The following TENM2 variants were observed in gnomAD, a reference collection of about 807,000 sequenced individuals.
TENM2 encodes teneurin transmembrane protein 2.
Under a neutral mutation model 245.2 loss-of-function variants are expected in TENM2, and 52 were observed. The observed-to-expected ratio is 0.21, with a 90% CI of 0.17 to 0.27. The LOEUF is 0.27. TENM2 is among the 10% of genes least tolerant of loss of function. The probability of loss-of-function intolerance (pLI) is 1.00; values close to 1 mark genes in which losing one functional copy is unlikely to be tolerated. For missense variants in TENM2, 3,046 were observed against 3,666.8 expected (o/e 0.83, Z 4.37); for synonymous variants, 1,363 against 1,438.9 (o/e 0.95, Z 1.19).
exon 29 of TENM2, chr5:168,262,537 C>T: frequency 6.4e-7 from 1 of 1,556,982 alleles, no homozygotes; most frequent in Non-Finnish European, 8.7e-7. Context: ...ATGGCCTCAC[C>T]CCCGACACCC....
intron 3 of TENM2, among the ~76,000 whole-genome samples, chr5:167,946,529 C>A (rs1234615585): frequency 6.6e-6 from 1 of 152,194 alleles, no homozygotes; most frequent in Non-Finnish European, 1.5e-5. Context: ...CAGTTTCTCA[C>A]AAGATTGGAT....
intron 4 of TENM2, among the ~76,000 whole-genome samples, chr5:167,970,713 T>C (rs1781715090): frequency 6.6e-6 from 1 of 152,112 alleles, no homozygotes. Flanking sequence ...ATCAGAATAG[T>C]TCTGTGTTTA....
rs756283582 is a variant in TENM2 at position 168,218,140 on chromosome 5, C to T, written c.4249C>T (p.Pro1417Ser). The change falls in exon 23 of 29, where the codon CCA (proline) becomes TCA (serine). Residue 1417 changes from proline to serine, a missense_variant. By Grantham distance (74) the Pro-to-Ser change is moderately conservative. Around this residue, in one of 2 missense-constraint regions of TENM2, gnomAD observed 2,704 missense variants for 3,331.9 expected, o/e 0.81. Transcript: ENST00000518659. The surrounding 1 kb of genome is among the most constrained non-coding windows in gnomAD (Gnocchi z 5.2). ...TCATCCACAGGTTCGTCTGGAGTGG[C>T]CAACAGACCTTGCTGTCAATCCCAT... 1 of 1,612,990 alleles carries T rather than the reference C, an allele frequency of 6.2e-7. No homozygotes were observed. Among genetic ancestry groups the T allele is most frequent in the Non-Finnish European group, 8.5e-7 (1 of 1,179,090 alleles).
At position 167,937,300 on chromosome 5, in the gene TENM2, T is replaced by C. The variant is rs1215595641; in HGVS notation, c.713-15288T>C. 3.3e-5 allele frequency among the ~76,000 whole-genome samples: 5 copies of C among 152,350 alleles called. No homozygotes were observed. The South Asian group carries it at 8.3e-4, about 25-fold the overall frequency. On this transcript the variant is annotated intron_variant, in intron 3 of 28. Coordinates refer to ENST00000518659, the Ensembl canonical transcript of TENM2. ...TTGCAGGACATCTGGTTGTTCTCAG[T>C]TTTTAGTGACAAGGAATAAAGCCGC...
intron 2 of TENM2, among the ~76,000 whole-genome samples, chr5:167,439,198 A>G (rs757564212): frequency 2.0e-5 from 3 of 152,198 alleles, no homozygotes; most frequent in East Asian, 1.9e-4. Flanking sequence ...GGCCTACATC[A>G]TATCTTGATG....
chr5:167,070,851 T>G, the TENM2 span, among the ~76,000 whole-genome samples: 1 of 152,294 alleles, frequency 6.6e-6, no homozygotes, highest in South Asian at 2.1e-4. Flanking sequence ...TTTTAAATGT[T>G]TTAAATTTAT....
At chr5:167,123,199 A>G in the TENM2 span, among the ~76,000 whole-genome samples, 1 of 151,714 alleles carries the variant, frequency 6.6e-6, no homozygotes, top group African/African-American at 2.4e-5. Flanking sequence ...AATCCAAGCT[A>G]CTCAGGAGGC....
intron 2 of TENM2, among the ~76,000 whole-genome samples, chr5:167,696,168 G>A (rs1384485711): frequency 6.6e-6 from 1 of 152,130 alleles, no homozygotes; most frequent in Non-Finnish European, 1.5e-5. Context: ...TTGAAGGGTT[G>A]GTATTTGGGA....
intron 2 of TENM2, among the ~76,000 whole-genome samples, chr5:167,804,489 C>T (rs1766008701): frequency 6.6e-6 from 1 of 152,064 alleles, no homozygotes; most frequent in South Asian, 2.1e-4. Flanking sequence ...CAAATTGGAA[C>T]AATAATAGTA....
chr5:167,423,656 G>A (rs765167765), intron 2 of TENM2, among the ~76,000 whole-genome samples: 10 of 152,040 alleles, frequency 6.6e-5, no homozygotes, highest in Non-Finnish European at 4.4e-5. Flanking sequence ...GCATTCCCAC[G>A]TTGGGCACCC....
chr5:167,930,695 C>T (rs1343216624), intron 3 of TENM2, among the ~76,000 whole-genome samples: 1 of 151,820 alleles, frequency 6.6e-6, no homozygotes. Flanking sequence ...ATTGCCCAGG[C>T]TGGTAGAATT....
chr5:167,527,438 C>G (rs1159595855), intron 2 of TENM2, among the ~76,000 whole-genome samples: 1 of 151,964 alleles, frequency 6.6e-6, no homozygotes, highest in Non-Finnish European at 1.5e-5. Context: ...TCTAATCTAT[C>G]ATTTTACTCC....
chr5:167,778,377 G>C (rs1763954783), intron 2 of TENM2, among the ~76,000 whole-genome samples: 1 of 152,188 alleles, frequency 6.6e-6, no homozygotes, highest in Non-Finnish European at 1.5e-5. Context: ...TTTAGGTCTA[G>C]TGTGTTGGGC....
At chr5:168,237,928 G>C (rs1014627754) in intron 25 of TENM2, among the ~76,000 whole-genome samples, 1 of 151,472 alleles carries the variant, frequency 6.6e-6, no homozygotes, top group Non-Finnish European at 1.5e-5. Context: ...AGATCACAAG[G>C]TCAGGAGATC....
chr5:167,232,371 C>CT, the TENM2 span, among the ~76,000 whole-genome samples: 1 of 145,294 alleles, frequency 6.9e-6, no homozygotes, highest in African/African-American at 2.7e-5. Context: ...AACCTCTTTT[C>CT]TTTCTTTTTT....
chr5:168,038,576 T>C (rs1787907282), intron 5 of TENM2, among the ~76,000 whole-genome samples: 1 of 152,206 alleles, frequency 6.6e-6, no homozygotes, highest in Non-Finnish European at 1.5e-5. Flanking sequence ...GAACAGTGGT[T>C]GACACTGAGT....
At chr5:167,275,119 G>T in the TENM2 span, among the ~76,000 whole-genome samples, 14 of 151,838 alleles carry the variant, frequency 9.2e-5, no homozygotes, top group Non-Finnish European at 1.9e-4. Flanking sequence ...TGTTGAAAAT[G>T]CTGTCTTACC....
chr5:167,682,591 A>G (rs1756804858), intron 2 of TENM2, among the ~76,000 whole-genome samples: 1 of 152,172 alleles, frequency 6.6e-6, no homozygotes, highest in African/African-American at 2.4e-5. Context: ...CCTCTGGGAT[A>G]GGTGTTTCCC....
At chr5:167,372,473 G>A (rs1379503801) in intron 1 of TENM2, among the ~76,000 whole-genome samples, 4 of 152,156 alleles carry the variant, frequency 2.6e-5, no homozygotes, top group Non-Finnish European at 5.9e-5. Context: ...AAAACCACAT[G>A]CAGTGCTCTT....
Sources: allele counts gnomAD v4.1 joint callset (sites outside exome capture counted in the v4.1 genomes callset), GRCh38; gene constraint gnomAD v4.1.1; regional missense constraint gnomAD v4.1.1; non-coding constraint Gnocchi (gnomAD v3.1); transcripts MANE v1.5; gene names NCBI Gene and HGNC (gene_info 2026-07-23, HGNC 2026-07-21).